The following ZNF561 variants were observed in gnomAD, a reference collection of about 807,000 sequenced individuals.
ZNF561 encodes zinc finger protein 561.
A neutral mutation model predicts 16.7 loss-of-function variants in ZNF561; 16 were observed. The observed-to-expected ratio is 0.96, with a 90% CI of 0.65 to 1.45. The LOEUF (loss-of-function observed/expected upper bound fraction) is 1.45. Among genes scored for constraint, ZNF561 ranks in the 40% most tolerant of loss-of-function variants. ZNF561 has a pLI of 0.00. For missense variants in ZNF561, 580 were observed against 578.0 expected (o/e 1.00, Z -0.04); for synonymous variants, 190 against 192.1 (o/e 0.99, Z 0.09).
intron 1 of ZNF561, 94 bp downstream of exon 1, chr19:9,621,068 T>G (rs1220659791): frequency 6.6e-6 from 1 of 152,442 alleles, no homozygotes; most frequent in African/African-American, 2.4e-5. Flanking sequence ...GCGAGTGAAG[T>G]GAAGCGGATC....
chr19:9,614,130 A>T, intron 4 of ZNF561, 27 bp from the exon 5 acceptor site: 1 of 1,610,372 alleles, frequency 6.2e-7, no homozygotes, highest in Non-Finnish European at 8.5e-7. Flanking sequence ...AAAGAAACGT[A>T]AGGATTTAGA....
At chr19:9,620,696 G>A (rs1427097855) in intron 1 of ZNF561, among the ~76,000 whole-genome samples, 1 of 152,196 alleles carries the variant, frequency 6.6e-6, no homozygotes, top group Non-Finnish European at 1.5e-5. Context: ...AGCCACGTGT[G>A]TTATTGATAA....
Position 9,610,736 on chromosome 19 carries a change from G to A in ZNF561, c.925C>T (p.His309Tyr). 1 of 1,614,154 alleles carries A rather than the reference G, an allele frequency of 6.2e-7. No homozygotes were observed. The highest frequency in any genetic ancestry group is 8.5e-7 in the Non-Finnish European group (1 of 1,180,016). ...GCTTTCCCACAGTAAGTACACTTGT[G>A]TGGTTTTATTCCAGTGTGAATTTGA... is the stretch of plus-strand genomic sequence containing the variant. ...HIQIHTGIKP[H>Y]KCTYCGKAFT... Residue 309 changes from histidine (H) to tyrosine (Y), a missense_variant, in exon 6 of 6, where the codon CAC becomes TAC. Physicochemically the swap from His to Tyr is moderately conservative, Grantham distance 83. Transcript: ENST00000302851.
intron 5 of ZNF561, among the ~76,000 whole-genome samples, chr19:9,612,532 TAG>T (rs2074480213): frequency 6.6e-6 from 1 of 152,108 alleles, no homozygotes; most frequent in African/African-American, 2.4e-5. Context: ...TTTATTTTTA[TAG>T]AGACAAAGTC....
At chr19:9,612,250 G>T (rs2074473723) in intron 5 of ZNF561, among the ~76,000 whole-genome samples, 1 of 151,688 alleles carries the variant, frequency 6.6e-6, no homozygotes, top group Non-Finnish European at 1.5e-5. Flanking sequence ...TTTTTGAGAT[G>T]TAGTCTCACT....
intron 5 of ZNF561, 42 bp downstream of exon 5, chr19:9,613,979 T>C: frequency 6.2e-7 from 1 of 1,605,426 alleles, no homozygotes; most frequent in East Asian, 2.2e-5. Flanking sequence ...TCTCTATCTT[T>C]TCTAAGAGAG....
intron 3 of ZNF561, chr19:9,617,533 T>C (rs1286444161): frequency 3.8e-5 from 13 of 338,662 alleles, no homozygotes; most frequent in Non-Finnish European, 6.2e-5. Context: ...TATTTATTTA[T>C]ATATAAAAAC....
In ZNF561 at chr19:9,610,724, A is replaced by G. The variant is rs2074435347; in HGVS notation, c.937T>C (p.Tyr313His). ...GATCTAGTGAAGGCTTTCCCACAGTAAGTACACTTGTGTGGTTTTATTCCA... is the reference window on the plus strand; with the variant it reads ...GATCTAGTGAAGGCTTTCCCACAGTGAGTACACTTGTGTGGTTTTATTCCA... ...HTGIKPHKCTYCGKAFTRSTQ... is the reference protein window; with the variant it reads ...HTGIKPHKCTHCGKAFTRSTQ... The change falls in exon 6 of 6, where the codon TAC (tyrosine) becomes CAC (histidine). Residue 313 changes from tyrosine (Y) to histidine (H), a missense_variant. Tyr to His is a moderately conservative substitution (Grantham distance 83). Coordinates refer to ENST00000302851, the MANE Select transcript of ZNF561 (RefSeq NM_152289.3). 1.2e-6 allele frequency: 2 copies of G among 1,614,010 alleles called. No homozygotes were observed. Among genetic ancestry groups the G allele is most frequent in the African/African-American group, 2.7e-5 (2 of 74,928 alleles).
rs898362076 is a variant in ZNF561 at position 9,610,028 on chromosome 19, C to T, written c.*172G>A. 3.3e-6 allele frequency: 2 copies of T among 612,390 alleles called. No individual in the cohort carries two copies. Among genetic ancestry groups the T allele is most frequent in the Non-Finnish European group, 5.5e-6 (2 of 361,994 alleles). The allele number at this position is 612,390 out of a possible 1,614,324, so 37.9% of individuals were successfully genotyped here. ...CATCCATGACCCTTCTTCACAGATG[C>T]CCAGACTCAGGCAACCATGATGTTG... is the stretch of plus-strand genomic sequence containing the variant. On this transcript the variant is annotated 3_prime_UTR_variant, in exon 6 of 6. Transcript: ENST00000302851.
chr19:9,615,690 G>A (rs542615136), intron 4 of ZNF561, among the ~76,000 whole-genome samples: 9 of 151,216 alleles, frequency 6.0e-5, no homozygotes, highest in East Asian at 3.9e-4. Flanking sequence ...TGGATCACCC[G>A]AGGTCAGGAG....
At chr19:9,618,794 T>C (rs1267249870) in intron 2 of ZNF561, among the ~76,000 whole-genome samples, 4 of 151,648 alleles carry the variant, frequency 2.6e-5, no homozygotes, top group Admixed American at 1.3e-4. Flanking sequence ...TAGCATTTCC[T>C]AAGGTACACA....
chr19:9,616,279 T>C (rs1369734782), intron 4 of ZNF561, among the ~76,000 whole-genome samples: 1 of 152,212 alleles, frequency 6.6e-6, no homozygotes, highest in Non-Finnish European at 1.5e-5. Flanking sequence ...TGTTTATTTT[T>C]ATTTTTAATG....
chr19:9,618,210 C>G (rs985774116), intron 2 of ZNF561, 31 bp from the exon 3 acceptor site: 3 of 1,529,062 alleles, frequency 2.0e-6, no homozygotes, highest in Non-Finnish European at 1.8e-6. Context: ...CATGAGAAGC[C>G]AGAGCTGCCC....
At chr19:9,614,280 A>T in intron 4 of ZNF561, 177 bp from the exon 5 acceptor site, 1 of 640,818 alleles carries the variant, frequency 1.6e-6, no homozygotes, top group Non-Finnish European at 2.7e-6. Flanking sequence ...TACATAACTG[A>T]TGTGTTTAGA....
rs747925332 is a variant in ZNF561, at chr19:9,610,592, G to A, written c.1069C>T (p.Arg357Ter). Residue 357 changes from arginine (R) to a stop codon, truncating the protein, a stop_gained, in exon 6 of 6, where the codon CGA becomes TGA. Transcript: ENST00000302851. LOFTEE classifies it low-confidence loss of function (END_TRUNC). ...TAGGGTTTCTTTCCACTGTGACTTC[G>A]TATGTGTATAGAAAGGCCCGAGTAC... ...AQYSGLSIHI[R>*]SHSGKKPYQC... 8.7e-6 allele frequency: 14 copies of A among 1,613,262 alleles called. No homozygotes were observed. Among genetic ancestry groups the A allele is most frequent in the Admixed American group, 5.0e-5 (3 of 59,906 alleles).
chr19:9,616,877 A>G lies in ZNF561; in HGVS notation c.241+168T>C, dbSNP rs1380545692. ...CCAAAGTGCTGGGATTACAGGCATG[A>G]GCCACTGCGCCCGGCCTAGAATTTT... On this transcript the variant is annotated intron_variant, in intron 4 of 5. Transcript: ENST00000302851. 1.3e-5 allele frequency: 11 copies of G among 838,406 alleles called. No homozygotes were observed. In the South Asian group the frequency reaches 1.4e-4, roughly 11 times the overall value. 51.9% of individuals were successfully genotyped at this position (838,406 alleles called of 1,614,324 possible).
At position 9,610,637 on chromosome 19, in the gene ZNF561, A is replaced by G. The variant is rs750312915; in HGVS notation, c.1024T>C (p.Cys342Arg). Residue 342 changes from cysteine to arginine, a missense_variant, in exon 6 of 6, where the codon TGT becomes CGT. Coordinates refer to ENST00000302851, the MANE Select transcript of ZNF561 (RefSeq NM_152289.3). The stretch of plus-strand genomic sequence containing the variant: ...GAGTACTGAGCAAAGGCTTGGCCAC[A>G]TTCCTTACATTCATAGGGTTTTATT... ...TGIKPYECKECGQAFAQYSGL... is the reference protein window; with the variant it reads ...TGIKPYECKERGQAFAQYSGL... The G allele has an allele frequency of 1.2e-6, 2 of 1,614,128 alleles. No individual in the cohort carries two copies. Among genetic ancestry groups the G allele is most frequent in the Non-Finnish European group, 1.7e-6 (2 of 1,180,010 alleles).
At chr19:9,613,972 CTATCT>C (rs1568233257) in intron 5 of ZNF561, 44 bp downstream of exon 5, 1 of 1,601,588 alleles carries the variant, frequency 6.2e-7, no homozygotes, top group South Asian at 1.1e-5. Flanking sequence ...ATGGAATTCT[CTATCT>C]TTTCTAAGAG....
chr19:9,618,904 G>C (rs887230999), intron 2 of ZNF561, among the ~76,000 whole-genome samples: 1 of 152,046 alleles, frequency 6.6e-6, no homozygotes, highest in Admixed American at 6.6e-5. Context: ...ATCACTTGAG[G>C]TCAGGAATTT....
Sources: gnomAD v4.1 joint callset for allele counts (sites outside exome capture counted in the v4.1 genomes callset) on GRCh38, gnomAD v4.1.1 for gene constraint, MANE v1.5 for transcripts, NCBI Gene and HGNC (gene_info 2026-07-23, HGNC 2026-07-21) for gene names.